The following SYT16 variants were observed in gnomAD, a reference collection of about 807,000 sequenced individuals.
The protein encoded by SYT16 is synaptotagmin 16, also known as synaptotagmin-16.
SYT16 carries 42 observed loss-of-function variants against 61.4 expected under a neutral mutation model. The observed-to-expected ratio is 0.68, with a 90% CI of 0.53 to 0.89. The LOEUF (loss-of-function observed/expected upper bound fraction) is 0.89, where lower values mean the gene tolerates loss of function less well. Among genes scored for constraint, SYT16 ranks in the 40% least tolerant of loss-of-function variants. SYT16 has a pLI of 0.00. For missense variants in SYT16, 804 were observed against 807.3 expected, an observed-to-expected ratio of 1.00 and a Z score of 0.05; for synonymous variants, 314 against 302.3, an observed-to-expected ratio of 1.04 and a Z score of -0.40.
rs59798244 is a variant in SYT16 at position 61,947,267 on chromosome 14, C to CGTGTGTGTGTGTGTGTGT, written c.-324-22838_-324-22821dup. ...CTTTTGGCCTCTGACTTTAGTCCTT[C>CGTGTGTGTGTGTGTGTGT]GTGTGTGTGTGTGTGTGTGTGTGTG... On this transcript the variant is annotated intron_variant, in intron 1 of 7. Transcript: ENST00000683842. 1.9e-3 allele frequency among the ~76,000 whole-genome samples: 239 copies of CGTGTGTGTGTGTGTGTGT among 125,894 alleles called. 2 individuals carry two copies. The highest frequency in any genetic ancestry group is 3.3e-3 in the Non-Finnish European group (197 of 59,004). The allele number at this position is 125,894 out of a possible 152,430, so 82.6% of individuals were successfully genotyped here. A position where few individuals can be genotyped will look rare whatever the true frequency, so the allele number is the denominator to read the frequency against.
chr14:62,080,534 C>T (rs2056669340), intron 5 of SYT16, among the ~76,000 whole-genome samples: 1 of 152,194 alleles, frequency 6.6e-6, no homozygotes, highest in South Asian at 2.1e-4. Flanking sequence ...TTCAATGATC[C>T]TGGGCAATTG....
At position 62,092,747 on chromosome 14, in the gene SYT16, C is replaced by T. The variant is rs116299521; in HGVS notation, c.1625-7647C>T. Among the ~76,000 whole-genome samples the T allele has an allele frequency of 3.1e-3, 465 of 151,848 alleles. 4 individuals are homozygous for T. The highest frequency in any genetic ancestry group is 0.011 in the African/African-American group (447 of 41,454). On this transcript the variant is annotated intron_variant, in intron 7 of 7. Transcript: ENST00000683842. ...GAAGGAGAGGGAAATGGGGAGTTAT[C>T]ATTTAATGGATATGGAGTTTCAGTT...
chr14:61,901,758 TAA>T (rs201607979), intron 1 of SYT16, among the ~76,000 whole-genome samples: 5,092 of 147,020 alleles, frequency 0.035, 241 homozygotes, highest in African/African-American at 0.11. Flanking sequence ...ATAATAATAA[TAA>T]TAATTATTAT....
At chr14:62,060,386 T>G (rs1467130142) in intron 3 of SYT16, among the ~76,000 whole-genome samples, 1 of 152,046 alleles carries the variant, frequency 6.6e-6, no homozygotes, top group Non-Finnish European at 1.5e-5. Flanking sequence ...ATAGAATTGA[T>G]TTTTATATAA....
At chr14:61,838,280 A>G (rs12890355) in intron 1 of SYT16, among the ~76,000 whole-genome samples, 86 of 152,304 alleles carry the variant, frequency 5.6e-4, no homozygotes, top group Admixed American at 9.2e-4. Flanking sequence ...TAATATAAGA[A>G]TCCCAGGCTG....
At chr14:61,859,304 G>A (rs2046891459) in intron 1 of SYT16, among the ~76,000 whole-genome samples, 1 of 152,144 alleles carries the variant, frequency 6.6e-6, no homozygotes, top group Admixed American at 6.5e-5. Context: ...TGCCAGCCAT[G>A]TGTACAGTAA....
intron 1 of SYT16, among the ~76,000 whole-genome samples, chr14:61,926,831 T>A (rs2049559525): frequency 6.6e-6 from 1 of 152,212 alleles, no homozygotes; most frequent in Admixed American, 6.5e-5. Flanking sequence ...GCTTTCAGTT[T>A]CAGAGGGTGT....
At position 62,111,934 on chromosome 14, in the gene SYT16, C is replaced by T. The variant is rs1485410607; in HGVS notation, c.*11227C>T. 6.6e-6 allele frequency: 1 copy of T among 152,048 alleles called. No individual in the cohort carries two copies. The highest frequency in any genetic ancestry group is 6.5e-5 in the Admixed American group (1 of 15,268). 9.4% of individuals were successfully genotyped at this position (152,048 alleles called of 1,614,324 possible). On this transcript the variant is annotated 3_prime_UTR_variant, in exon 8 of 8. Coordinates refer to ENST00000683842, the MANE Select transcript of SYT16 (RefSeq NM_001367656.1). ...AGCATGAATGTATCACTAGCTGTTA[C>T]CAGAACAAACAGCTGTAGAATGTAA...
intron 1 of SYT16, among the ~76,000 whole-genome samples, chr14:61,860,205 C>T (rs1439747211): frequency 2.6e-5 from 4 of 152,204 alleles, no homozygotes; most frequent in Non-Finnish European, 1.5e-5. Flanking sequence ...GAAAGAACTG[C>T]TTCTTTCCAA....
At chr14:61,941,509 G>A (rs1240893579) in intron 1 of SYT16, among the ~76,000 whole-genome samples, 2 of 152,084 alleles carry the variant, frequency 1.3e-5, no homozygotes, top group Non-Finnish European at 2.9e-5. Flanking sequence ...AGTGACTTTT[G>A]TGAGACATTC....
chr14:61,980,937 C>T (rs770296002), intron 2 of SYT16, among the ~76,000 whole-genome samples: 13 of 143,666 alleles, frequency 9.0e-5, no homozygotes, highest in Non-Finnish European at 1.5e-4. Flanking sequence ...GAAACAGTAC[C>T]AACATTGTGT....
At chr14:61,882,098 A>T (rs557146748) in intron 1 of SYT16, among the ~76,000 whole-genome samples, 2 of 152,322 alleles carry the variant, frequency 1.3e-5, no homozygotes, top group South Asian at 2.1e-4. Context: ...CCTTCTAATT[A>T]GTCTCCACAT....
At chr14:61,830,523 C>G (rs950566675) in intron 1 of SYT16, among the ~76,000 whole-genome samples, 1 of 152,124 alleles carries the variant, frequency 6.6e-6, no homozygotes, top group African/African-American at 2.4e-5. Flanking sequence ...GTTCAGTTCC[C>G]AAAACTTTAC....
intron 1 of SYT16, among the ~76,000 whole-genome samples, chr14:61,914,972 G>A (rs1393974422): frequency 1.3e-5 from 2 of 152,016 alleles, no homozygotes; most frequent in African/African-American, 2.4e-5. Flanking sequence ...GATCTGGTGC[G>A]GCCTCATCTC....
At chr14:61,834,200 G>C (rs957131539) in intron 1 of SYT16, among the ~76,000 whole-genome samples, 1 of 151,720 alleles carries the variant, frequency 6.6e-6, no homozygotes, top group Non-Finnish European at 1.5e-5. Flanking sequence ...GTGCGATCTC[G>C]GCTCACTGTA....
chr14:61,986,087 C>T (rs571185252), intron 2 of SYT16, among the ~76,000 whole-genome samples: 3 of 152,070 alleles, frequency 2.0e-5, no homozygotes, highest in East Asian at 1.9e-4. Flanking sequence ...AATAGTACAG[C>T]GGTGGAACTG....
At chr14:62,009,976 C>G (rs558276690) in intron 3 of SYT16, among the ~76,000 whole-genome samples, 1 of 152,270 alleles carries the variant, frequency 6.6e-6, no homozygotes, top group East Asian at 1.9e-4. Flanking sequence ...GCCTATTTCC[C>G]TATTCTTCTT....
intron 3 of SYT16, among the ~76,000 whole-genome samples, chr14:62,007,598 G>A (rs1305755178): frequency 6.6e-6 from 1 of 152,044 alleles, no homozygotes; most frequent in African/African-American, 2.4e-5. Flanking sequence ...GCAGTTTTGT[G>A]TCATTTTTGG....
chr14:61,853,621 C>A (rs1228736112), intron 1 of SYT16, among the ~76,000 whole-genome samples: 2 of 152,208 alleles, frequency 1.3e-5, no homozygotes, highest in Non-Finnish European at 2.9e-5. Context: ...TCTGCTGGCA[C>A]TTTGATCTTG....
Sources: gnomAD v4.1 joint callset for allele counts (sites outside exome capture counted in the v4.1 genomes callset) on GRCh38, gnomAD v4.1.1 for gene constraint, MANE v1.5 for transcripts, NCBI Gene and HGNC (gene_info 2026-07-23, HGNC 2026-07-21) for gene names.